The following ALPK1 variants were observed in gnomAD, a reference collection of about 807,000 sequenced individuals.
The protein encoded by ALPK1 is alpha-protein kinase 1.
A neutral mutation model predicts 120.6 loss-of-function variants in ALPK1; 110 were observed. That is an observed-to-expected ratio of 0.91 (90% CI 0.78 to 1.07). The LOEUF is 1.07. Among genes scored for constraint, ALPK1 ranks in the 50% least tolerant of loss-of-function variants. The pLI is 0.00. For missense variants in ALPK1, 1,498 were observed against 1,483.9 expected, an observed-to-expected ratio of 1.01 and a Z score of -0.16; for synonymous variants, 582 against 560.3, an observed-to-expected ratio of 1.04 and a Z score of -0.55.
chr4:112,312,048 T>C (rs1728429585), intron 1 of ALPK1, among the ~76,000 whole-genome samples: 2 of 152,202 alleles, frequency 1.3e-5, no homozygotes, highest in Non-Finnish European at 2.9e-5. Flanking sequence ...GACTGGTCAA[T>C]TGTAGTCAGA....
intron 2 of ALPK1, among the ~76,000 whole-genome samples, chr4:112,375,913 T>C (rs112758696): frequency 0.023 from 3,465 of 152,284 alleles, 48 homozygotes; most frequent in Admixed American, 0.032. Context: ...ACATAGAGGC[T>C]GCTGTAGGGT....
At chr4:112,427,363 T>G (rs1015533389) in intron 8 of ALPK1, among the ~76,000 whole-genome samples, 10 of 32,666 alleles carry the variant, frequency 3.1e-4, no homozygotes, top group Non-Finnish European at 5.9e-4. Flanking sequence ...ATGTTTGATA[T>G]AAAACATGTA....
At chr4:112,421,560 C>T (rs1226835739) in intron 5 of ALPK1, among the ~76,000 whole-genome samples, 2 of 152,204 alleles carry the variant, frequency 1.3e-5, no homozygotes, top group South Asian at 2.1e-4. Context: ...CTATTCTGGG[C>T]CGTCTTTATT....
intron 3 of ALPK1, among the ~76,000 whole-genome samples, chr4:112,381,193 A>G (rs1201906345): frequency 1.3e-5 from 2 of 152,220 alleles, no homozygotes; most frequent in East Asian, 3.8e-4. Flanking sequence ...ACTGCCAAGG[A>G]AGAGGAGAAA....
chr4:112,339,857 G>A lies in ALPK1; in HGVS notation c.-101+24005G>A, dbSNP rs145102293. On this transcript the variant is annotated intron_variant, in intron 2 of 15. Coordinates refer to ENST00000650871, the MANE Select transcript of ALPK1 (RefSeq NM_025144.4). ...GGATCAGATTCCCTAGACAGAAGGT[G>A]TGGTTAGCACTTGATCCTAATCAAA... Among the ~76,000 whole-genome samples, 6 of 152,320 alleles carry A rather than the reference G, an allele frequency of 3.9e-5. No individual in the cohort carries two copies. In the East Asian group the frequency reaches 1.2e-3, roughly 29 times the overall value.
At chr4:112,424,059 C>T (rs1025626497) in intron 6 of ALPK1, 56 bp downstream of exon 6, 58 of 1,513,448 alleles carry the variant, frequency 3.8e-5, no homozygotes, top group Non-Finnish European at 4.9e-5. Flanking sequence ...ACAGAGCACT[C>T]ATTTAATAAC....
At chr4:112,428,946 C>A (rs891966022) in intron 9 of ALPK1, among the ~76,000 whole-genome samples, 1 of 152,184 alleles carries the variant, frequency 6.6e-6, no homozygotes, top group African/African-American at 2.4e-5. Flanking sequence ...TTATTTTGCA[C>A]AGGTGTGTGT....
intron 5 of ALPK1, among the ~76,000 whole-genome samples, chr4:112,415,273 A>C (rs1434773293): frequency 6.6e-6 from 1 of 152,222 alleles, no homozygotes; most frequent in East Asian, 1.9e-4. Flanking sequence ...ACTCTAGAGA[A>C]GTATCCACAC....
At chr4:112,375,228 G>A (rs543506215) in intron 2 of ALPK1, among the ~76,000 whole-genome samples, 4 of 148,732 alleles carry the variant, frequency 2.7e-5, no homozygotes, top group East Asian at 2.0e-4. Flanking sequence ...TCACTCAGCC[G>A]GAGTGTAGAG....
At chr4:112,298,082 TA>T (rs2110514384) in intron 1 of ALPK1, among the ~76,000 whole-genome samples, 1 of 152,196 alleles carries the variant, frequency 6.6e-6, no homozygotes, top group Non-Finnish European at 1.5e-5. Context: ...ATCCTTTAAT[TA>T]AAAAATTCTA....
chr4:112,409,279 G>C (rs1560674875), intron 4 of ALPK1, among the ~76,000 whole-genome samples: 1 of 152,026 alleles, frequency 6.6e-6, no homozygotes, highest in Admixed American at 6.6e-5. Context: ...TCAAAGACAG[G>C]GGCTGTGGGC....
At chr4:112,336,034 C>A (rs183591546) in intron 2 of ALPK1, among the ~76,000 whole-genome samples, 4 of 152,084 alleles carry the variant, frequency 2.6e-5, no homozygotes, top group African/African-American at 9.6e-5. Flanking sequence ...AATCCATGCC[C>A]TTGGCTGGAG....
intron 2 of ALPK1, among the ~76,000 whole-genome samples, chr4:112,366,818 G>A (rs1731178807): frequency 6.6e-6 from 1 of 152,180 alleles, no homozygotes. Context: ...CAATCAATGA[G>A]TGGGTAAAGA....
chr4:112,432,900 G>A (rs780387861), intron 11 of ALPK1, among the ~76,000 whole-genome samples: 11 of 152,152 alleles, frequency 7.2e-5, no homozygotes, highest in Admixed American at 1.3e-4. Context: ...TCTGGAGGCC[G>A]TCTCATCCAC....
intron 2 of ALPK1, among the ~76,000 whole-genome samples, chr4:112,325,282 A>G (rs17044418): frequency 0.096 from 14,572 of 152,230 alleles, 777 homozygotes; most frequent in Middle Eastern, 0.15. Flanking sequence ...AACTTTAGAC[A>G]CTATTCCCAT....
At chr4:112,370,549 A>C (rs1030742875) in intron 2 of ALPK1, among the ~76,000 whole-genome samples, 1 of 152,232 alleles carries the variant, frequency 6.6e-6, no homozygotes, top group South Asian at 2.1e-4. Flanking sequence ...AAAAACTGAT[A>C]TGTGTTGAGA....
At chr4:112,311,749 T>A (rs1224772490) in intron 1 of ALPK1, among the ~76,000 whole-genome samples, 1 of 152,162 alleles carries the variant, frequency 6.6e-6, no homozygotes, top group East Asian at 1.9e-4. Context: ...ATAGCAGAGA[T>A]TTTTTCTAGG....
chr4:112,436,852 A>G (rs1182512132), intron 12 of ALPK1, among the ~76,000 whole-genome samples: 1 of 152,208 alleles, frequency 6.6e-6, no homozygotes, highest in Non-Finnish European at 1.5e-5. Context: ...ATGAGAATAA[A>G]TTGAGAATAA....
At chr4:112,366,661 T>C (rs774285123) in intron 2 of ALPK1, among the ~76,000 whole-genome samples, 30 of 111,714 alleles carry the variant, frequency 2.7e-4, no homozygotes, top group Non-Finnish European at 3.2e-4. Context: ...GAACTAAAAG[T>C]AGAACTACCA....
Sources: allele counts gnomAD v4.1 joint callset (sites outside exome capture counted in the v4.1 genomes callset), GRCh38; gene constraint gnomAD v4.1.1; transcripts MANE v1.5; gene names NCBI Gene and HGNC (gene_info 2026-07-23, HGNC 2026-07-21).